MAP3K20: variants seen among roughly 807,000 people sequenced by gnomAD.
MAP3K20 encodes the protein mitogen-activated protein kinase kinase kinase 20.
A neutral mutation model predicts 85.7 loss-of-function variants in MAP3K20; 40 were observed. That is an observed-to-expected ratio of 0.47 (90% CI 0.36 to 0.61). MAP3K20 has a LOEUF of 0.61. Ranked by LOEUF, MAP3K20 falls within the 20% of genes least tolerant of loss-of-function variation. The pLI is 0.00. For missense variants in MAP3K20, 817 were observed against 961.7 expected, an observed-to-expected ratio of 0.85 and a Z score of 1.99; for synonymous variants, 325 against 327.7, an observed-to-expected ratio of 0.99 and a Z score of 0.09.
rs962921553 is a variant in MAP3K20 at position 173,225,568 on chromosome 2, T to G, written c.988-4121T>G. ...GAGATTGCACCACTACACTCCAGCC[T>G]GGATGACAGAGTGAGACTTCATCTC... On this transcript the variant is annotated intron_variant, in intron 11 of 19. Transcript: ENST00000375213. 6.2e-6 allele frequency: 6 copies of G among 961,208 alleles called. No homozygotes were observed. The South Asian group carries it at 2.5e-4, about 39-fold the overall frequency. The allele number at this position is 961,208 out of a possible 1,614,324, so 59.5% of individuals were successfully genotyped here.
chr2:173,214,469 C>T (rs1318030730), intron 10 of MAP3K20: 2 of 152,112 alleles, frequency 1.3e-5, no homozygotes, highest in Non-Finnish European at 2.9e-5. Context: ...CCCGTGGTGA[C>T]CAAAGTACTC....
chr2:173,181,819 A>G (rs1244122766), intron 3 of MAP3K20, among the ~76,000 whole-genome samples: 2 of 151,722 alleles, frequency 1.3e-5, no homozygotes, highest in African/African-American at 4.8e-5. Flanking sequence ...AGGCTGAGAC[A>G]GGTGGGATTG....
chr2:173,228,883 T>C (rs1165732459), intron 11 of MAP3K20, among the ~76,000 whole-genome samples: 1 of 152,248 alleles, frequency 6.6e-6, no homozygotes, highest in Non-Finnish European at 1.5e-5. Flanking sequence ...TGCCATATTA[T>C]CTCATAAGCA....
intron 11 of MAP3K20, chr2:173,223,961 A>G (rs2106323981): frequency 1.0e-6 from 1 of 985,456 alleles, no homozygotes; most frequent in South Asian, 4.7e-5. Context: ...TTACAAGGCA[A>G]AGATAGTCAT....
At chr2:173,189,838 A>G (rs1690596290) in intron 5 of MAP3K20, among the ~76,000 whole-genome samples, 2 of 152,122 alleles carry the variant, frequency 1.3e-5, no homozygotes, top group South Asian at 4.1e-4. Context: ...AGGTGATCCT[A>G]CATCCTAAAT....
intron 9 of MAP3K20, chr2:173,207,796 A>G (rs1683739876): frequency 1.3e-5 from 2 of 151,158 alleles, no homozygotes. Flanking sequence ...AGGAATTTAT[A>G]TAAGATCCTA....
At chr2:173,103,741 G>C (rs1390091029) in intron 2 of MAP3K20, among the ~76,000 whole-genome samples, 3 of 152,080 alleles carry the variant, frequency 2.0e-5, no homozygotes, top group Admixed American at 6.6e-5. Flanking sequence ...TCCCATAATA[G>C]AACTGCAGAT....
At chr2:173,243,228 T>G (rs1198453026) in intron 16 of MAP3K20, among the ~76,000 whole-genome samples, 2 of 151,858 alleles carry the variant, frequency 1.3e-5, no homozygotes, top group African/African-American at 4.8e-5. Flanking sequence ...TCCACGGGAG[T>G]TCACTGGATG....
At chr2:173,175,365 T>G (rs1187261471) in intron 3 of MAP3K20, among the ~76,000 whole-genome samples, 1 of 152,202 alleles carries the variant, frequency 6.6e-6, no homozygotes, top group African/African-American at 2.4e-5. Flanking sequence ...ATATTTATCT[T>G]AAGAACTGTG....
intron 2 of MAP3K20, among the ~76,000 whole-genome samples, chr2:173,137,852 G>A (rs1177267914): frequency 6.6e-6 from 1 of 152,126 alleles, no homozygotes; most frequent in Non-Finnish European, 1.5e-5. Flanking sequence ...AACCATACAA[G>A]CCACAAAAAT....
intron 1 of MAP3K20, among the ~76,000 whole-genome samples, chr2:173,087,566 C>T (rs1323011464): frequency 1.3e-5 from 2 of 152,158 alleles, no homozygotes; most frequent in African/African-American, 4.8e-5. Flanking sequence ...CATTCCTAAA[C>T]ATATCCTATT....
At chr2:173,251,256 G>A (rs938052679) in intron 16 of MAP3K20, among the ~76,000 whole-genome samples, 2 of 151,968 alleles carry the variant, frequency 1.3e-5, no homozygotes, top group Admixed American at 6.6e-5. Flanking sequence ...ATTTTAAATT[G>A]CTTCCTCAAG....
At chr2:173,188,648 G>T (rs1355708330) in intron 5 of MAP3K20, among the ~76,000 whole-genome samples, 2 of 151,866 alleles carry the variant, frequency 1.3e-5, no homozygotes, top group African/African-American at 2.4e-5. Flanking sequence ...GGGCGGGGAG[G>T]GAAGTTATCA....
intron 11 of MAP3K20, among the ~76,000 whole-genome samples, chr2:173,219,061 C>T (rs1684159345): frequency 6.6e-6 from 1 of 152,084 alleles, no homozygotes; most frequent in Non-Finnish European, 1.5e-5. Flanking sequence ...GTGTCTTCTG[C>T]TTAGAGCTGG....
At chr2:173,242,147 G>A (rs1189995682) in intron 16 of MAP3K20, among the ~76,000 whole-genome samples, 1 of 151,374 alleles carries the variant, frequency 6.6e-6, no homozygotes, top group East Asian at 1.9e-4. Flanking sequence ...GAAAAGATTT[G>A]TGAACAGAGA....
At chr2:173,089,184 A>T (rs75707243) in intron 1 of MAP3K20, among the ~76,000 whole-genome samples, 28 of 66,768 alleles carry the variant, frequency 4.2e-4, no homozygotes, top group Middle Eastern at 6.9e-3. Flanking sequence ...CTTTTTATTT[A>T]AAAAAAAAAA....
intron 11 of MAP3K20, chr2:173,221,326 A>C: frequency 6.2e-7 from 1 of 1,613,904 alleles, no homozygotes; most frequent in African/African-American, 1.3e-5. Context: ...ATATCTTCTC[A>C]ATGAACAAAG....
At chr2:173,097,804 C>T (rs544638608) in intron 2 of MAP3K20, among the ~76,000 whole-genome samples, 1 of 152,100 alleles carries the variant, frequency 6.6e-6, no homozygotes, top group African/African-American at 2.4e-5. Flanking sequence ...GGGAAAATAC[C>T]TGTGTGAAAT....
chr2:173,135,138 G>T (rs1194144840), intron 2 of MAP3K20, among the ~76,000 whole-genome samples: 2 of 152,064 alleles, frequency 1.3e-5, no homozygotes, highest in African/African-American at 4.8e-5. Flanking sequence ...AAGTTTATCT[G>T]GTCCTGAAAT....
Sources: allele counts gnomAD v4.1 joint callset (sites outside exome capture counted in the v4.1 genomes callset), GRCh38; gene constraint gnomAD v4.1.1; transcripts MANE v1.5; gene names NCBI Gene and HGNC (gene_info 2026-07-23, HGNC 2026-07-21).